The following TRANK1 variants were observed in gnomAD, a reference collection of about 807,000 sequenced individuals.
The protein encoded by TRANK1 is TPR and ankyrin repeat-containing protein 1.
TRANK1 carries 198 observed loss-of-function variants against 266.0 expected under a neutral mutation model. The ratio of observed to expected loss-of-function variants is 0.74; its 90% CI spans 0.66 to 0.84. The LOEUF (loss-of-function observed/expected upper bound fraction) is 0.84. TRANK1 is among the 40% of genes least tolerant of loss of function. TRANK1 has a pLI of 0.00. For missense variants in TRANK1, 3,326 were observed against 3,634.6 expected (o/e 0.92, Z 2.18); for synonymous variants, 1,396 against 1,384.1 (o/e 1.01, Z -0.19).
Position 36,880,069 on chromosome 3 carries a change from C to CATACAAATAT in TRANK1, c.908-5774_908-5773insATATTTGTAT, listed in dbSNP as rs1269179481. 12 of 23,688 alleles carry CATACAAATAT rather than the reference C, an allele frequency of 5.1e-4. 3 individuals are homozygous for CATACAAATAT. Among genetic ancestry groups the CATACAAATAT allele is most frequent in the African/African-American group, 1.3e-3 (7 of 5,296 alleles). The allele number at this position is 23,688 out of a possible 1,614,324, so 1.5% of individuals were successfully genotyped here. Reference sequence around the variant, plus strand: ...ATGTAAACATACAAATATATGTAAACATGCAAATATATATAAACATATATA... The same window carrying CATACAAATAT: ...ATGTAAACATACAAATATATGTAAACATACAAATATATGCAAATATATATAAACATATATA... On this transcript the variant is annotated intron_variant, in intron 8 of 23. Transcript: ENST00000645898.
intron 9 of TRANK1, among the ~76,000 whole-genome samples, chr3:36,864,818 A>G (rs1412387645): frequency 6.6e-6 from 1 of 152,162 alleles, no homozygotes; most frequent in African/African-American, 2.4e-5. Context: ...GAGATAAGAG[A>G]CAACATAGAA....
intron 8 of TRANK1, among the ~76,000 whole-genome samples, chr3:36,883,729 C>CT (rs889312487): frequency 6.6e-6 from 1 of 152,168 alleles, no homozygotes; most frequent in African/African-American, 2.4e-5. Context: ...TTAAGCCTAT[C>CT]TTTTGTAAAG....
At chr3:36,841,548 G>C (rs748158370) in intron 18 of TRANK1, among the ~76,000 whole-genome samples, 7 of 152,152 alleles carry the variant, frequency 4.6e-5, no homozygotes. Context: ...ACCCACAAAA[G>C]GTTAAAACTG....
intron 8 of TRANK1, among the ~76,000 whole-genome samples, chr3:36,889,025 G>A (rs1335976201): frequency 1.3e-5 from 2 of 152,044 alleles, no homozygotes; most frequent in African/African-American, 2.4e-5. Context: ...CAGCCTGGGC[G>A]ACAGAGTGAG....
In TRANK1 at chr3:36,831,852, C is replaced by T. The variant is rs377049101; in HGVS notation, c.7731G>A (p.Leu2577=). The T allele has an allele frequency of 1.9e-6, 3 of 1,613,882 alleles. No homozygotes were observed. In the African/African-American group the frequency reaches 4.0e-5, roughly 22 times the overall value. Residue 2577 remains leucine (L), a synonymous_variant, in exon 22 of 24, where the codon CTG becomes CTA. Transcript: ENST00000645898. This position sits in a 1 kb window ranked among gnomAD's most constrained non-coding sequence, Gnocchi z 5.0. ...ACAGGAGAGGCTTGCAGTATGGCTG[C>T]AGGATCTCCTCAGCATTCACTAGCA... ...LVMLVNAEEI[L]QPYCKPLLYR...
intron 4 of TRANK1, among the ~76,000 whole-genome samples, chr3:36,897,210 C>A (rs946548119): frequency 8.5e-5 from 13 of 152,192 alleles, no homozygotes; most frequent in African/African-American, 2.9e-4. Context: ...GAGGCTGAGG[C>A]AGGAGAACCG....
chr3:36,897,609 T>A (rs887439144), intron 4 of TRANK1, among the ~76,000 whole-genome samples: 1 of 152,230 alleles, frequency 6.6e-6, no homozygotes, highest in African/African-American at 2.4e-5. Flanking sequence ...TAACAGTCTA[T>A]CCATTGTCAG....
chr3:36,910,733 C>CT (rs1047144537), intron 1 of TRANK1, among the ~76,000 whole-genome samples: 42 of 150,810 alleles, frequency 2.8e-4, no homozygotes, highest in African/African-American at 1.0e-3. Context: ...GAGTGAGACT[C>CT]TATCTCCAAA....
chr3:36,868,037 C>A (rs376183119), intron 9 of TRANK1, among the ~76,000 whole-genome samples: 1 of 152,218 alleles, frequency 6.6e-6, no homozygotes, highest in Non-Finnish European at 1.5e-5. Flanking sequence ...GTGAGCCCTG[C>A]AATTGAATGG....
intron 15 of TRANK1, chr3:36,850,906 G>C (rs1223014972): frequency 1.0e-6 from 1 of 985,390 alleles, no homozygotes; most frequent in Non-Finnish European, 1.2e-6. Flanking sequence ...TGCAAAGGAA[G>C]TCTGCAACAA....
At chr3:36,907,967 G>A (rs1022265344) in intron 2 of TRANK1, among the ~76,000 whole-genome samples, 3 of 152,134 alleles carry the variant, frequency 2.0e-5, no homozygotes, top group African/African-American at 4.8e-5. Context: ...CTTAGTGCCC[G>A]GCGGGGTGTG....
chr3:36,927,379 T>C (rs556580382), intron 1 of TRANK1, among the ~76,000 whole-genome samples: 1 of 152,228 alleles, frequency 6.6e-6, no homozygotes. Flanking sequence ...AGATAAGTTG[T>C]AAGTCTGCCT....
intron 1 of TRANK1, 73 bp from the exon 2 acceptor site, chr3:36,908,527 GA>G: frequency 8.1e-7 from 1 of 1,231,874 alleles, no homozygotes; most frequent in Non-Finnish European, 1.0e-6. Context: ...CTGCATTGCT[GA>G]AATCTGGAGA....
chr3:36,903,274 C>A lies in TRANK1; in HGVS notation c.157G>T (p.Val53Phe), dbSNP rs1014917821. The A allele has an allele frequency of 4.6e-6, 7 of 1,537,036 alleles. No individual in the cohort carries two copies. The highest frequency in any genetic ancestry group is 2.0e-5 in the Admixed American group (1 of 50,986). Residue 53 changes from valine (V) to phenylalanine (F), a missense_variant and splice_region_variant, in exon 3 of 24, where the codon GTT becomes TTT. Val to Phe is a conservative substitution (Grantham distance 50, BLOSUM62 -1). Transcript: ENST00000645898. ...AGCACAGCCAAGTCCCTCGGGGGAA[C>A]CCTGTAAGAACAAACCGGTGGTCTG... ...QILLQLYQWG[V>F]PPRDLAVLLC...
chr3:36,905,680 A>T (rs1395886287), intron 2 of TRANK1, among the ~76,000 whole-genome samples: 1 of 152,220 alleles, frequency 6.6e-6, no homozygotes, highest in Non-Finnish European at 1.5e-5. Context: ...TGACTGACTG[A>T]TATGAGAATC....
Position 36,838,458 on chromosome 3 carries a change from A to G in TRANK1, c.5431T>C (p.Cys1811Arg). 1 of 1,614,006 alleles carries G rather than the reference A, an allele frequency of 6.2e-7. No homozygotes were observed. Among genetic ancestry groups the G allele is most frequent in the Non-Finnish European group, 8.5e-7 (1 of 1,179,902 alleles). The stretch of plus-strand genomic sequence containing the variant: ...TTAAGGGACAGTGTTGGCTCTTTGC[A>G]CTCCAAATAGGTCTTAGCCAATTCC... ...YLELAKTYLE[C>R]KEPTLSLKCL... The change falls in exon 20 of 24, where the codon TGC (cysteine) becomes CGC (arginine). Residue 1811 changes from cysteine to arginine, a missense_variant. Physicochemically the swap from Cys to Arg is radical, Grantham distance 180. Transcript: ENST00000645898.
At chr3:36,901,101 G>GC (rs1272445089) in intron 3 of TRANK1, among the ~76,000 whole-genome samples, 12 of 136,990 alleles carry the variant, frequency 8.8e-5, no homozygotes, top group South Asian at 2.3e-4. Context: ...ATTCAAGGTT[G>GC]TTTTTTTTTT....
chr3:36,831,831 G>A lies in TRANK1; in HGVS notation c.7752C>T (p.Leu2584=), dbSNP rs373894270. The change falls in exon 22 of 24, where the codon CTC becomes CTT. Residue 2584 remains leucine, a synonymous_variant. Coordinates refer to ENST00000645898, the MANE Select transcript of TRANK1 (RefSeq NM_001329998.2). This position sits in a 1 kb window ranked among gnomAD's most constrained non-coding sequence, Gnocchi z 5.0. The part of the protein sequence containing the change: ...EEILQPYCKP[L]LYRHFREIES... ...CAATCTCCCGGAAGTGGCGATACAG[G>A]AGAGGCTTGCAGTATGGCTGCAGGA... 1.4e-5 allele frequency: 23 copies of A among 1,614,018 alleles called. No individual in the cohort carries two copies. Among genetic ancestry groups the A allele is most frequent in the Non-Finnish European group, 1.9e-5 (23 of 1,179,898 alleles).
chr3:36,852,188 C>T lies in TRANK1; in HGVS notation c.4707G>A (p.Gly1569=), dbSNP rs1357282244. The T allele has an allele frequency of 5.6e-6, 9 of 1,606,060 alleles. No homozygotes were observed. The highest frequency in any genetic ancestry group is 1.7e-5 in the Admixed American group (1 of 57,622). Residue 1569 remains glycine (G), a synonymous_variant, in exon 14 of 24, where the codon GGG becomes GGA. Transcript: ENST00000645898. ...CAATGGGCTGAGTTTTCCTTTTATTCCCTCGTAGCAAAATTGCCAAGTCGC... is the reference window on the plus strand; with the variant it reads ...CAATGGGCTGAGTTTTCCTTTTATTTCCTCGTAGCAAAATTGCCAAGTCGC... ...SVSDLAILLR[G]NKRKTQPIEF... is the part of the protein sequence containing the mutation.
Sources: allele counts gnomAD v4.1 joint callset (sites outside exome capture counted in the v4.1 genomes callset), GRCh38; gene constraint gnomAD v4.1.1; non-coding constraint Gnocchi (gnomAD v3.1); transcripts MANE v1.5; gene names NCBI Gene and HGNC (gene_info 2026-07-23, HGNC 2026-07-21).